Variants in SSH2 observed in about 807,000 individuals in gnomAD.
SSH2 encodes protein phosphatase Slingshot homolog 2.
SSH2 carries 37 observed loss-of-function variants against 135.2 expected under a neutral mutation model. That is an observed-to-expected ratio of 0.27 (90% CI 0.21 to 0.36). The LOEUF is 0.36. SSH2 is among the 10% of genes least tolerant of loss of function. The probability of loss-of-function intolerance (pLI) is 1.00; values close to 1 mark genes in which losing one functional copy is unlikely to be tolerated. For synonymous variants in SSH2, 628 were observed against 646.2 expected (o/e 0.97, Z 0.43); for missense variants, 1,408 against 1,765.3 (o/e 0.80, Z 3.63).
At chr17:29,872,193 T>A (rs2151422048) in intron 1 of SSH2, among the ~76,000 whole-genome samples, 1 of 152,352 alleles carries the variant, frequency 6.6e-6, no homozygotes, top group African/African-American at 2.4e-5. Flanking sequence ...CTCTAATTCT[T>A]GAAAATGGAG....
At chr17:29,647,155 G>A (rs1019990790) in intron 14 of SSH2, among the ~76,000 whole-genome samples, 13 of 151,676 alleles carry the variant, frequency 8.6e-5, no homozygotes, top group African/African-American at 3.1e-4. Flanking sequence ...CCAGCTACTC[G>A]GGAGGCTGAG....
intron 1 of SSH2, among the ~76,000 whole-genome samples, chr17:29,882,647 G>A (rs1304800931): frequency 6.6e-6 from 1 of 152,152 alleles, no homozygotes; most frequent in East Asian, 1.9e-4. Context: ...AGCTACTCAG[G>A]AGACTGAGGC....
chr17:29,709,052 A>AGAGC (rs1491229455), intron 3 of SSH2, among the ~76,000 whole-genome samples: 23 of 144,602 alleles, frequency 1.6e-4, no homozygotes, highest in African/African-American at 5.6e-4. Flanking sequence ...AGAGAGAGAG[A>AGAGC]GCTAATAATA....
Position 29,718,219 on chromosome 17 carries a change from C to T in SSH2, c.189-15157G>A, listed in dbSNP as rs1432790942. On this transcript the variant is annotated intron_variant, in intron 3 of 15. Coordinates refer to ENST00000540801, the MANE Select transcript of SSH2 (RefSeq NM_001282129.2). Reference sequence around the variant, plus strand: ...ATTCCTTCTATGTTTCTGACTATTCCTTCACATTCTCATTTGTGGGCTCCT... The same window carrying T: ...ATTCCTTCTATGTTTCTGACTATTCTTTCACATTCTCATTTGTGGGCTCCT... Among the ~76,000 whole-genome samples the T allele has an allele frequency of 2.0e-5, 3 of 152,134 alleles. No homozygotes were observed. The East Asian group carries it at 5.8e-4, about 29-fold the overall frequency.
At chr17:29,729,970 T>G (rs186063793) in intron 3 of SSH2, among the ~76,000 whole-genome samples, 1 of 152,188 alleles carries the variant, frequency 6.6e-6, no homozygotes, top group East Asian at 1.9e-4. Flanking sequence ...ATATAGTATT[T>G]GATAGCACAG....
chr17:29,778,858 A>G (rs2041774833), intron 3 of SSH2, among the ~76,000 whole-genome samples: 1 of 148,688 alleles, frequency 6.7e-6, no homozygotes, highest in Non-Finnish European at 1.5e-5. Context: ...AAAAAAAAAA[A>G]AAAAAAAGTA....
intron 3 of SSH2, among the ~76,000 whole-genome samples, chr17:29,743,907 CTTTTTTTTT>C (rs59540894): frequency 1.0e-5 from 1 of 99,864 alleles, no homozygotes; most frequent in Admixed American, 1.1e-4. Context: ...TTCTTTTTTC[CTTTTTTTTT>C]TTTTTTTTTT....
At chr17:29,911,557 A>C (rs942978149) in intron 1 of SSH2, among the ~76,000 whole-genome samples, 3 of 152,162 alleles carry the variant, frequency 2.0e-5, no homozygotes, top group Non-Finnish European at 4.4e-5. Context: ...CAGGATTCCA[A>C]CTTAGGTTGT....
At chr17:29,906,439 G>A (rs570347823) in intron 1 of SSH2, among the ~76,000 whole-genome samples, 1 of 152,242 alleles carries the variant, frequency 6.6e-6, no homozygotes, top group East Asian at 1.9e-4. Flanking sequence ...ATACCATTCA[G>A]GATATAGGCA....
At chr17:29,709,015 T>TATATATATATAGAGAGAGAGAGAG (rs780981175) in intron 3 of SSH2, among the ~76,000 whole-genome samples, 1 of 81,594 alleles carries the variant, frequency 1.2e-5, no homozygotes, top group Non-Finnish European at 2.5e-5. Context: ...TATATATATA[T>TATATATATATAGAGAGAGAGAGAG]AGAGAGAGAG....
intron 1 of SSH2, among the ~76,000 whole-genome samples, chr17:29,878,320 G>A (rs562000491): frequency 1.3e-4 from 20 of 152,140 alleles, no homozygotes; most frequent in East Asian, 3.9e-4. Context: ...CTAGCTACTC[G>A]GGAGGCTGAG....
At chr17:29,805,642 C>A (rs772230885) in intron 2 of SSH2, among the ~76,000 whole-genome samples, 2 of 152,066 alleles carry the variant, frequency 1.3e-5, no homozygotes, top group Non-Finnish European at 2.9e-5. Context: ...AGAAAACAGG[C>A]TTTTAAACAT....
At chr17:29,923,365 TC>T (rs2067009332) in intron 1 of SSH2, among the ~76,000 whole-genome samples, 1 of 152,118 alleles carries the variant, frequency 6.6e-6, no homozygotes, top group South Asian at 2.1e-4. Context: ...ACATCTGTAA[TC>T]CCAGCATTTT....
intron 3 of SSH2, among the ~76,000 whole-genome samples, chr17:29,713,357 C>A (rs1210859291): frequency 6.6e-6 from 1 of 151,964 alleles, no homozygotes; most frequent in East Asian, 1.9e-4. Flanking sequence ...CAAACAAAAC[C>A]CCCCCAAAGA....
intron 1 of SSH2, among the ~76,000 whole-genome samples, chr17:29,892,272 C>T (rs2151446060): frequency 6.6e-6 from 1 of 151,804 alleles, no homozygotes; most frequent in South Asian, 2.1e-4. Context: ...CAAAGCAGCC[C>T]CCACCCCCAC....
intron 3 of SSH2, among the ~76,000 whole-genome samples, chr17:29,739,304 G>A (rs1268773613): frequency 1.3e-5 from 2 of 152,176 alleles, no homozygotes; most frequent in Admixed American, 1.3e-4. Context: ...AGGGTTTGGT[G>A]CTTGAAGGGT....
intron 1 of SSH2, among the ~76,000 whole-genome samples, chr17:29,849,860 A>AG (rs779908614): frequency 0.42 from 35,596 of 83,826 alleles, 6,725 homozygotes; most frequent in East Asian, 0.59. Flanking sequence ...AAAAAAGTAT[A>AG]TATATATATA....
intron 1 of SSH2, among the ~76,000 whole-genome samples, chr17:29,892,580 G>A (rs556450060): frequency 6.6e-6 from 1 of 152,154 alleles, no homozygotes; most frequent in East Asian, 1.9e-4. Flanking sequence ...GTGGGTCACT[G>A]TTAAGCTCAT....
intron 3 of SSH2, among the ~76,000 whole-genome samples, chr17:29,783,896 C>T (rs1224050616): frequency 2.7e-5 from 4 of 148,210 alleles, no homozygotes; most frequent in African/African-American, 9.9e-5. Context: ...GAAACCCCGT[C>T]TCTACTAAAA....
Sources: allele counts gnomAD v4.1 joint callset (sites outside exome capture counted in the v4.1 genomes callset), GRCh38; gene constraint gnomAD v4.1.1; transcripts MANE v1.5; gene names NCBI Gene and HGNC (gene_info 2026-07-23, HGNC 2026-07-21).